LRP1B: variants seen among roughly 807,000 people sequenced by gnomAD.
The protein encoded by LRP1B is low-density lipoprotein receptor-related protein 1B.
Under a neutral mutation model 556.6 loss-of-function variants are expected in LRP1B, and 217 were observed. That is an observed-to-expected ratio of 0.39 (90% CI 0.35 to 0.44). The LOEUF is 0.44. LRP1B is among the 20% of genes least tolerant of loss of function. The pLI, the probability that LRP1B is intolerant of heterozygous loss-of-function variation, is 1.00. For synonymous variants in LRP1B, 2,047 were observed against 1,865.8 expected (o/e 1.10, Z -2.50); for missense variants, 5,053 against 5,620.8 (o/e 0.90, Z 3.23).
At chr2:140,484,365 C>T (rs960701119) in intron 59 of LRP1B, among the ~76,000 whole-genome samples, 6 of 152,144 alleles carry the variant, frequency 3.9e-5, no homozygotes, top group Middle Eastern at 6.8e-3. Flanking sequence ...GATACATTAA[C>T]GAGAAGCAAA....
At position 140,456,557 on chromosome 2, in the gene LRP1B, C is replaced by G. The variant is rs143285554; in HGVS notation, c.9861G>C (p.Leu3287Phe). ...CMINNGGCSH[L>F]CLLAPGKTHT... ...GGGTTTTTCCAGGGGCTAAAAGGCA[C>G]AAATGACTGCAACCACCATTATTTA... The change falls in exon 62 of 91, where the codon TTG becomes TTC. Residue 3287 changes from leucine to phenylalanine, a missense_variant. Coordinates refer to ENST00000389484, the MANE Select transcript of LRP1B (RefSeq NM_018557.3). 6.2e-7 allele frequency: 1 copy of G among 1,612,758 alleles called. No individual in the cohort carries two copies. Among genetic ancestry groups the G allele is most frequent in the Non-Finnish European group, 8.5e-7 (1 of 1,179,186 alleles).
At chr2:140,589,655 C>G (rs1682136625) in intron 43 of LRP1B, among the ~76,000 whole-genome samples, 1 of 152,088 alleles carries the variant, frequency 6.6e-6, no homozygotes, top group South Asian at 2.1e-4. Flanking sequence ...GAATGAATCT[C>G]CAGAGAATTT....
In LRP1B at chr2:141,131,302, G is replaced by A. The variant is rs115657415; in HGVS notation, c.1013+57119C>T. ...TGTAAAATCTTTGTACATACAAAACGGACTGATCTTTAAGATACATTCTAC... is the reference window on the plus strand; with the variant it reads ...TGTAAAATCTTTGTACATACAAAACAGACTGATCTTTAAGATACATTCTAC... On this transcript the variant is annotated intron_variant, in intron 7 of 90. Transcript: ENST00000389484. 3.8e-3 allele frequency among the ~76,000 whole-genome samples: 573 copies of A among 150,446 alleles called. 6 individuals are homozygous for A. Among genetic ancestry groups the A allele is most frequent in the African/African-American group, 0.013 (513 of 40,956 alleles).
chr2:140,795,132 T>C (rs951675568), intron 32 of LRP1B, among the ~76,000 whole-genome samples: 61 of 152,328 alleles, frequency 4.0e-4, no homozygotes, highest in African/African-American at 1.4e-3. Context: ...GTCTTACTAT[T>C]ATACTAACTA....
At chr2:140,643,995 T>C (rs888562038) in intron 41 of LRP1B, among the ~76,000 whole-genome samples, 1 of 152,170 alleles carries the variant, frequency 6.6e-6, no homozygotes, top group Non-Finnish European at 1.5e-5. Flanking sequence ...TTTAGTAGAG[T>C]GCATTGAATC....
intron 2 of LRP1B, among the ~76,000 whole-genome samples, chr2:141,713,574 A>G (rs1041364574): frequency 1.3e-5 from 2 of 152,170 alleles, no homozygotes; most frequent in Non-Finnish European, 2.9e-5. Flanking sequence ...ACTCTAATAT[A>G]CAAAGCTTTT....
chr2:141,357,856 A>G (rs1454449307), intron 3 of LRP1B, among the ~76,000 whole-genome samples: 2 of 152,232 alleles, frequency 1.3e-5, no homozygotes, highest in Non-Finnish European at 2.9e-5. Flanking sequence ...ACTGAACAAG[A>G]AAATGAATAA....
chr2:141,783,991 C>T (rs1442040016), intron 2 of LRP1B, among the ~76,000 whole-genome samples: 1 of 151,832 alleles, frequency 6.6e-6, no homozygotes, highest in Non-Finnish European at 1.5e-5. Flanking sequence ...CTAAGACTCT[C>T]TAATATAGGG....
intron 2 of LRP1B, among the ~76,000 whole-genome samples, chr2:141,614,184 T>A (rs898032385): frequency 6.6e-5 from 10 of 150,468 alleles, no homozygotes; most frequent in African/African-American, 2.5e-4. Context: ...AGGAGGTAAA[T>A]GCTGCATAAA....
At chr2:140,855,339 A>G (rs553728217) in intron 27 of LRP1B, among the ~76,000 whole-genome samples, 1 of 151,250 alleles carries the variant, frequency 6.6e-6, no homozygotes, top group Non-Finnish European at 1.5e-5. Context: ...TTGTCTTTGT[A>G]GAACACATAC....
intron 68 of LRP1B, among the ~76,000 whole-genome samples, chr2:140,376,197 C>T (rs1005673464): frequency 6.6e-6 from 1 of 152,048 alleles, no homozygotes; most frequent in African/African-American, 2.4e-5. Context: ...ATATATTTAG[C>T]CATCAAATCA....
intron 76 of LRP1B, 94 bp downstream of exon 76, chr2:140,352,859 A>G (rs1682035314): frequency 8.3e-7 from 1 of 1,206,264 alleles, no homozygotes; most frequent in African/African-American, 1.5e-5. Flanking sequence ...ATCAGAAATG[A>G]AGCTGTTGCT....
chr2:140,350,552 T>C (rs1343459546), intron 77 of LRP1B, among the ~76,000 whole-genome samples: 2 of 152,020 alleles, frequency 1.3e-5, no homozygotes, highest in Admixed American at 6.6e-5. Context: ...TATATGTCAT[T>C]CATTAGCATT....
At chr2:140,423,422 C>A (rs1685530769) in intron 66 of LRP1B, among the ~76,000 whole-genome samples, 1 of 152,004 alleles carries the variant, frequency 6.6e-6, no homozygotes, top group Admixed American at 6.6e-5. Context: ...TGTTAATAAA[C>A]TTTACTTTTG....
At chr2:140,273,175 T>C (rs1163718688) in intron 85 of LRP1B, among the ~76,000 whole-genome samples, 1 of 151,898 alleles carries the variant, frequency 6.6e-6, no homozygotes, top group East Asian at 2.0e-4. Flanking sequence ...CCATGATCTC[T>C]GGGGTAAGTG....
intron 2 of LRP1B, among the ~76,000 whole-genome samples, chr2:141,774,685 C>G (rs1695002531): frequency 6.6e-6 from 1 of 152,164 alleles, no homozygotes; most frequent in African/African-American, 2.4e-5. Context: ...TTTGGAAACA[C>G]CGTCCCTTCA....
chr2:140,583,612 TACTG>T (rs1681868351), intron 43 of LRP1B, among the ~76,000 whole-genome samples: 1 of 152,128 alleles, frequency 6.6e-6, no homozygotes, highest in Admixed American at 6.5e-5. Flanking sequence ...TCATGTATCT[TACTG>T]ACTTTAGTTT....
chr2:140,351,300 C>A (rs1417503591), intron 76 of LRP1B, among the ~76,000 whole-genome samples: 1 of 151,796 alleles, frequency 6.6e-6, no homozygotes, highest in East Asian at 1.9e-4. Flanking sequence ...ATATAAATGT[C>A]CTTTTATGAA....
At chr2:141,192,577 T>C (rs1236848367) in intron 6 of LRP1B, among the ~76,000 whole-genome samples, 8 of 151,898 alleles carry the variant, frequency 5.3e-5, no homozygotes, top group Non-Finnish European at 1.2e-4. Context: ...CTTACCATAT[T>C]TTTTTAGTTG....
Sources: allele counts gnomAD v4.1 joint callset (sites outside exome capture counted in the v4.1 genomes callset), GRCh38; gene constraint gnomAD v4.1.1; transcripts MANE v1.5; gene names NCBI Gene and HGNC (gene_info 2026-07-23, HGNC 2026-07-21).